Variants in TENT4B observed in about 807,000 individuals in gnomAD.
TENT4B encodes the protein terminal nucleotidyltransferase 4B, also known as PAP associated domain containing 5.
TENT4B carries 10 observed loss-of-function variants against 75.0 expected under a neutral mutation model. That is an observed-to-expected ratio of 0.13 (90% CI 0.08 to 0.23). The LOEUF is 0.23. Among genes scored for constraint, TENT4B ranks in the 10% least tolerant of loss-of-function variants. The probability of loss-of-function intolerance (pLI) is 1.00; values close to 1 mark genes in which losing one functional copy is unlikely to be tolerated. For synonymous variants in TENT4B, 350 were observed against 357.7 expected (o/e 0.98, Z 0.24); for missense variants, 579 against 893.8 (o/e 0.65, Z 4.49).
intron 1 of TENT4B, among the ~76,000 whole-genome samples, chr16:50,187,364 C>T (rs558795271): frequency 1.3e-5 from 2 of 152,342 alleles, no homozygotes; most frequent in South Asian, 4.1e-4. Flanking sequence ...GGATGGATCA[C>T]CTGAGGTCAG....
intron 1 of TENT4B, among the ~76,000 whole-genome samples, chr16:50,164,905 G>A (rs2038070278): frequency 6.6e-6 from 1 of 151,654 alleles, no homozygotes; most frequent in Admixed American, 6.6e-5. Flanking sequence ...AAAAAAATTA[G>A]CCAGGCATGG....
intron 1 of TENT4B, among the ~76,000 whole-genome samples, chr16:50,182,931 C>T (rs2038449088): frequency 3.8e-5 from 1 of 26,018 alleles, no homozygotes; most frequent in Non-Finnish European, 9.8e-5. Context: ...TTGAGTTAGG[C>T]CAAGTTGCCT....
intron 1 of TENT4B, among the ~76,000 whole-genome samples, chr16:50,197,687 T>C (rs148012940): frequency 6.6e-6 from 1 of 152,180 alleles, no homozygotes; most frequent in Non-Finnish European, 1.5e-5. Flanking sequence ...GAAAAAGATT[T>C]ATGAATGGAA....
intron 1 of TENT4B, among the ~76,000 whole-genome samples, chr16:50,202,860 A>G (rs1355513641): frequency 6.6e-6 from 1 of 152,188 alleles, no homozygotes; most frequent in African/African-American, 2.4e-5. Flanking sequence ...ATAGCAGCAA[A>G]GTGGGAAGGG....
chr16:50,193,628 G>A (rs528368812), intron 1 of TENT4B, among the ~76,000 whole-genome samples: 11 of 152,134 alleles, frequency 7.2e-5, no homozygotes, highest in Non-Finnish European at 1.0e-4. Context: ...GTGAGTCACC[G>A]CGCCTGGCCA....
intron 1 of TENT4B, among the ~76,000 whole-genome samples, chr16:50,174,848 A>G (rs764203960): frequency 6.7e-6 from 1 of 150,026 alleles, no homozygotes; most frequent in South Asian, 2.1e-4. Context: ...GGTTTAAGCA[A>G]TTCTCTGCCT....
At chr16:50,214,306 G>A (rs780347621) in intron 3 of TENT4B, 39 bp downstream of exon 3, 2 of 1,475,678 alleles carry the variant, frequency 1.4e-6, no homozygotes, top group South Asian at 2.4e-5. Flanking sequence ...ACTTTTCTTA[G>A]AGTGTATTCA....
intron 1 of TENT4B, among the ~76,000 whole-genome samples, chr16:50,182,960 C>G (rs2038449993): frequency 1.6e-5 from 2 of 121,758 alleles, no homozygotes; most frequent in South Asian, 2.8e-4. Context: ...CTCAAGCAAT[C>G]CTTCTGCCTC....
chr16:50,195,597 A>C (rs144180671), intron 1 of TENT4B, among the ~76,000 whole-genome samples: 3 of 152,334 alleles, frequency 2.0e-5, no homozygotes, highest in Admixed American at 2.0e-4. Context: ...GAGGCTTTAA[A>C]TTATGTCTGG....
At chr16:50,182,949 G>A (rs1404505740) in intron 1 of TENT4B, among the ~76,000 whole-genome samples, 1 of 119,844 alleles carries the variant, frequency 8.3e-6, no homozygotes. Flanking sequence ...CCTAGGCTGG[G>A]CTCAAGCAAT....
At position 50,224,763 on chromosome 16, in the gene TENT4B, T is replaced by C; in HGVS notation, c.1488T>C (p.Tyr496=). ...SHAVSPIAKY[Y]PNNETESILG... ...CTGTATCACCAATAGCAAAGTACTA[T>C]CCCAACAATGAAACAGAAAGGTAAA... Residue 496 remains tyrosine, a synonymous_variant, in exon 8 of 12, where the codon TAT becomes TAC. Transcript: ENST00000561678. 6.2e-7 allele frequency: 1 copy of C among 1,613,974 alleles called. No individual in the cohort carries two copies. The highest frequency in any genetic ancestry group is 8.5e-7 in the Non-Finnish European group (1 of 1,179,888).
Position 50,233,285 on chromosome 16 carries a change from C to T in TENT4B, c.*3957C>T, listed in dbSNP as rs575997696. On this transcript the variant is annotated 3_prime_UTR_variant, in exon 12 of 12. Coordinates refer to ENST00000561678, the MANE Select transcript of TENT4B (RefSeq NM_001365324.3). Reference sequence around the variant, plus strand: ...TCATCTTGCCTTGGTTTCTGACCCTCAAGACTCTAGCTACCTGCCATCTTG... The same window carrying T: ...TCATCTTGCCTTGGTTTCTGACCCTTAAGACTCTAGCTACCTGCCATCTTG... The T allele has an allele frequency of 1.0e-6, 1 of 985,244 alleles. No individual in the cohort carries two copies. Among genetic ancestry groups the T allele is most frequent in the Non-Finnish European group, 1.2e-6 (1 of 829,918 alleles). 61.0% of individuals were successfully genotyped at this position (985,244 alleles called of 1,614,324 possible).
At chr16:50,199,799 T>C (rs1424247531) in intron 1 of TENT4B, among the ~76,000 whole-genome samples, 1 of 152,222 alleles carries the variant, frequency 6.6e-6, no homozygotes, top group Non-Finnish European at 1.5e-5. Flanking sequence ...TTCCAAGTTT[T>C]GATAATTTAA....
intron 1 of TENT4B, among the ~76,000 whole-genome samples, chr16:50,206,088 C>A (rs926008422): frequency 6.6e-6 from 1 of 152,062 alleles, no homozygotes; most frequent in African/African-American, 2.4e-5. Flanking sequence ...ACATTGATAT[C>A]ATTTCTAAAT....
chr16:50,194,730 A>AC (rs2150713824), intron 1 of TENT4B, among the ~76,000 whole-genome samples: 1 of 135,438 alleles, frequency 7.4e-6, no homozygotes, highest in African/African-American at 2.8e-5. Context: ...GGCGCTAGCC[A>AC]CCGTGCTTGG....
At chr16:50,175,999 T>C (rs766464341) in intron 1 of TENT4B, among the ~76,000 whole-genome samples, 33 of 151,982 alleles carry the variant, frequency 2.2e-4, no homozygotes, top group Admixed American at 5.9e-4. Flanking sequence ...CCCAGGCTGG[T>C]CTTGAACTCC....
intron 7 of TENT4B, among the ~76,000 whole-genome samples, chr16:50,223,639 A>G (rs556698813): frequency 6.6e-6 from 1 of 152,294 alleles, no homozygotes; most frequent in African/African-American, 2.4e-5. Context: ...AAAGGCATTC[A>G]CTTATTTGGA....
chr16:50,169,387 G>GTTT (rs552275205), intron 1 of TENT4B, among the ~76,000 whole-genome samples: 1 of 65,788 alleles, frequency 1.5e-5, no homozygotes, highest in Non-Finnish European at 2.6e-5. Flanking sequence ...GATTTTGTGG[G>GTTT]TTTTTTTTTT....
rs554459116 is a variant in TENT4B at position 50,227,182 on chromosome 16, G to A, written c.1801-657G>A. 5.8e-4 allele frequency among the ~76,000 whole-genome samples: 88 copies of A among 152,306 alleles called. 3 individuals carry two copies. The South Asian group carries it at 0.017, about 30-fold the overall frequency. On this transcript the variant is annotated intron_variant, in intron 10 of 11. Coordinates refer to ENST00000561678, the MANE Select transcript of TENT4B (RefSeq NM_001365324.3). ...ATCCTCCTGTGCAGAATCTCCCTGTGTGCTTTTTTGGTTCCTAGAGCAGTA... is the reference window on the plus strand; with the variant it reads ...ATCCTCCTGTGCAGAATCTCCCTGTATGCTTTTTTGGTTCCTAGAGCAGTA...
Sources: allele counts gnomAD v4.1 joint callset (sites outside exome capture counted in the v4.1 genomes callset), GRCh38; gene constraint gnomAD v4.1.1; transcripts MANE v1.5; gene names NCBI Gene and HGNC (gene_info 2026-07-23, HGNC 2026-07-21).